Variants in CFAP20DC observed in about 807,000 individuals in gnomAD.
The protein encoded by CFAP20DC is protein CFAP20DC.
CFAP20DC carries 84 observed loss-of-function variants against 101.7 expected under a neutral mutation model. The ratio of observed to expected loss-of-function variants is 0.83; its 90% CI spans 0.69 to 0.99. The LOEUF (loss-of-function observed/expected upper bound fraction) is 0.99, where lower values mean the gene tolerates loss of function less well. Among genes scored for constraint, CFAP20DC ranks in the 50% least tolerant of loss-of-function variants. The probability of loss-of-function intolerance (pLI) is 0.00; values close to 1 mark genes in which losing one functional copy is unlikely to be tolerated. For synonymous variants in CFAP20DC, 359 were observed against 351.2 expected (o/e 1.02, Z -0.25); for missense variants, 1,007 against 970.3 (o/e 1.04, Z -0.50).
intron 15 of CFAP20DC, among the ~76,000 whole-genome samples, chr3:58,769,523 C>G (rs981136522): frequency 3.3e-5 from 5 of 152,036 alleles, no homozygotes; most frequent in Non-Finnish European, 7.4e-5. Flanking sequence ...AAGAGAAAGA[C>G]ATATAGATGA....
In CFAP20DC at chr3:59,007,016, C is replaced by T. The variant is rs371112587; in HGVS notation, c.278+32541G>A. On this transcript the variant is annotated intron_variant, in intron 4 of 16. Coordinates refer to ENST00000482387, the MANE Select transcript of CFAP20DC (RefSeq NM_001394063.1). The surrounding 1 kb of genome is among the most constrained non-coding windows in gnomAD (Gnocchi z 4.4). The stretch of plus-strand genomic sequence containing the variant: ...TGCTGTTAGTGGGGCACTGCGAGAG[C>T]GAGACTGGCCTTGCCAACTGTGTGG... Among the ~76,000 whole-genome samples the T allele has an allele frequency of 3.3e-5, 5 of 152,256 alleles. No homozygotes were observed. The highest frequency in any genetic ancestry group is 3.9e-4 in the East Asian group (2 of 5,176).
At chr3:58,853,468 T>C (rs953018725) in intron 12 of CFAP20DC, among the ~76,000 whole-genome samples, 2 of 152,168 alleles carry the variant, frequency 1.3e-5, no homozygotes, top group Non-Finnish European at 2.9e-5. Context: ...GAGGGAATCC[T>C]CCCTAAATCA....
intron 16 of CFAP20DC, 97 bp from the exon 17 acceptor site, chr3:58,742,669 G>T (rs2067945509): frequency 2.6e-6 from 2 of 771,552 alleles, no homozygotes; most frequent in South Asian, 4.4e-5. Context: ...TCTCCTGGGG[G>T]ATTTTCTTTA....
At chr3:58,963,998 T>C (rs1029194840) in intron 4 of CFAP20DC, among the ~76,000 whole-genome samples, 8 of 152,220 alleles carry the variant, frequency 5.3e-5, no homozygotes, top group African/African-American at 1.9e-4. Context: ...CCTAAGGCCA[T>C]CTAGGCAAGG....
chr3:58,780,394 A>G (rs1283914430), intron 15 of CFAP20DC, among the ~76,000 whole-genome samples: 2 of 152,092 alleles, frequency 1.3e-5, no homozygotes, highest in Non-Finnish European at 2.9e-5. Flanking sequence ...GATATGTAAA[A>G]CAACGGAAAA....
At chr3:58,946,983 C>G (rs2089453946) in intron 4 of CFAP20DC, among the ~76,000 whole-genome samples, 1 of 152,140 alleles carries the variant, frequency 6.6e-6, no homozygotes, top group African/African-American at 2.4e-5. Flanking sequence ...TAGTGAGAGG[C>G]TCAGAGACAT....
At chr3:58,881,189 G>A (rs1317775249) in intron 7 of CFAP20DC, among the ~76,000 whole-genome samples, 1 of 152,166 alleles carries the variant, frequency 6.6e-6, no homozygotes, top group Non-Finnish European at 1.5e-5. Flanking sequence ...AGCTAGGGAT[G>A]TCAGTCTCTT....
At chr3:58,810,294 A>G (rs2074501551) in intron 14 of CFAP20DC, among the ~76,000 whole-genome samples, 1 of 152,134 alleles carries the variant, frequency 6.6e-6, no homozygotes. Flanking sequence ...CATTGATGCA[A>G]AAATCCTCAA....
chr3:58,773,985 C>G (rs115113730), intron 15 of CFAP20DC, among the ~76,000 whole-genome samples: 3,175 of 150,684 alleles, frequency 0.021, 125 homozygotes, highest in African/African-American at 0.072. Context: ...TTTTAATTTT[C>G]CTTTCAAATT....
In CFAP20DC at chr3:58,864,594, G is replaced by C. The variant is rs2079521098; in HGVS notation, c.1259-702C>G. Among the ~76,000 whole-genome samples the C allele has an allele frequency of 6.6e-6, 1 of 152,168 alleles. No homozygotes were observed. Among genetic ancestry groups the C allele is most frequent in the Admixed American group, 6.5e-5 (1 of 15,274 alleles). ...TTACTAATATCTCCTTTTAACTGCA[G>C]GAGGACAGAGTACTTAACCAGCTTC... On this transcript the variant is annotated intron_variant, in intron 11 of 16. Coordinates refer to ENST00000482387, the MANE Select transcript of CFAP20DC (RefSeq NM_001394063.1). This position sits in a 1 kb window ranked among gnomAD's most constrained non-coding sequence, Gnocchi z 4.7.
intron 4 of CFAP20DC, among the ~76,000 whole-genome samples, chr3:59,005,378 T>C (rs1038302166): frequency 6.6e-6 from 1 of 152,208 alleles, no homozygotes; most frequent in African/African-American, 2.4e-5. Flanking sequence ...CAATACATAA[T>C]ACTTTTAAGC....
rs568680728 is a variant in CFAP20DC at position 58,863,768 on chromosome 3, A to G, written c.1383T>C (p.Ser461=). 6.2e-7 allele frequency: 1 copy of G among 1,614,030 alleles called. No individual in the cohort carries two copies. The highest frequency in any genetic ancestry group is 1.1e-5 in the South Asian group (1 of 91,066). Residue 461 remains serine, a synonymous_variant, in exon 12 of 17, where the codon AGT becomes AGC. Coordinates refer to ENST00000482387, the MANE Select transcript of CFAP20DC (RefSeq NM_001394063.1). The surrounding 1 kb of genome is among the most constrained non-coding windows in gnomAD (Gnocchi z 5.9). ...SHLWLEASKE[S]EHDQQAEESQ... The stretch of plus-strand genomic sequence containing the variant: ...ATTCCTCTGCCTGCTGGTCGTGTTC[A>G]CTCTCTTTGCTGGCTTCCAGCCACA...
At chr3:58,806,552 A>G (rs894822554) in intron 14 of CFAP20DC, 96 bp from the exon 15 acceptor site, 15 of 916,644 alleles carry the variant, frequency 1.6e-5, no homozygotes, top group Non-Finnish European at 2.5e-5. Flanking sequence ...GTTTCCTCAG[A>G]CACAACCCAC....
chr3:58,846,404 C>G (rs1398565401), intron 13 of CFAP20DC, among the ~76,000 whole-genome samples: 9 of 151,912 alleles, frequency 5.9e-5, no homozygotes, highest in African/African-American at 2.2e-4. Flanking sequence ...TGAGTGAACT[C>G]CCATTCACAA....
chr3:58,807,244 G>C (rs555116382), intron 14 of CFAP20DC, among the ~76,000 whole-genome samples: 2 of 152,318 alleles, frequency 1.3e-5, no homozygotes, highest in East Asian at 3.9e-4. Flanking sequence ...GGAGATCTGA[G>C]AATGGGCAGA....
intron 12 of CFAP20DC, among the ~76,000 whole-genome samples, chr3:58,851,744 T>C (rs1323350870): frequency 1.3e-5 from 2 of 151,158 alleles, no homozygotes; most frequent in Non-Finnish European, 2.9e-5. Flanking sequence ...TATTACTAAC[T>C]GAAAAAAAAA....
At chr3:58,906,995 T>C (rs1183825090) in intron 6 of CFAP20DC, among the ~76,000 whole-genome samples, 4 of 152,082 alleles carry the variant, frequency 2.6e-5, no homozygotes, top group African/African-American at 4.8e-5. Flanking sequence ...TCCTAAACAG[T>C]GGCTATGGAC....
chr3:58,935,626 T>C, intron 5 of CFAP20DC, among the ~76,000 whole-genome samples: 1 of 152,140 alleles, frequency 6.6e-6, no homozygotes. Context: ...GCCGCATATC[T>C]ACAACTATCT....
intron 6 of CFAP20DC, among the ~76,000 whole-genome samples, chr3:58,885,138 T>C (rs886215985): frequency 1.3e-5 from 2 of 152,152 alleles, no homozygotes; most frequent in Non-Finnish European, 2.9e-5. Context: ...ATTATATGGG[T>C]AAATTAATTT....
Sources: gnomAD v4.1 joint callset for allele counts (sites outside exome capture counted in the v4.1 genomes callset) on GRCh38, gnomAD v4.1.1 for gene constraint, Gnocchi (gnomAD v3.1) non-coding constraint, MANE v1.5 for transcripts, NCBI Gene and HGNC (gene_info 2026-07-23, HGNC 2026-07-21) for gene names.